The following CD80 variants were observed in gnomAD, a reference collection of about 807,000 sequenced individuals.
The protein encoded by CD80 is CD80 molecule.
In CD80, 13 loss-of-function variants were observed where a neutral mutation model predicts 27.1. That is an observed-to-expected ratio of 0.48 (90% CI 0.31 to 0.76). The LOEUF is 0.76. Ranked by LOEUF, CD80 falls within the 30% of genes least tolerant of loss-of-function variation. The pLI is 0.04. For missense variants in CD80, 277 were observed against 347.9 expected (o/e 0.80, Z 1.62); for synonymous variants, 125 against 125.5 (o/e 1.00, Z 0.03).
chr3:119,544,916 T>A lies in CD80; in HGVS notation c.101-49A>T, dbSNP rs755938741. On this transcript the variant is annotated intron_variant, in intron 2 of 6. Transcript: ENST00000264246. ...GATTGTATATTTATTAAATACAGAT[T>A]CCTGCATGGTCAGGAATCCAAAGTC... 1.9e-5 allele frequency: 28 copies of A among 1,478,998 alleles called. No homozygotes were observed. In the African/African-American group the frequency reaches 3.2e-4, roughly 17 times the overall value. The allele number at this position is 1,478,998 out of a possible 1,614,324, so 91.6% of individuals were successfully genotyped here.
At chr3:119,534,504 G>A (rs951468350) in intron 4 of CD80, among the ~76,000 whole-genome samples, 1 of 152,028 alleles carries the variant, frequency 6.6e-6, no homozygotes, top group Non-Finnish European at 1.5e-5. Context: ...AACAGAGACT[G>A]TGACTGCAAA....
rs571646506 is a variant in CD80 at position 119,525,294 on chromosome 3, T to C, written c.*494A>G. ...TTTTGTAAACAGCAGCATAAAATCT[T>C]CTACTCTGACATTAGGAAATCAGAT... is the stretch of plus-strand genomic sequence containing the variant. On this transcript the variant is annotated 3_prime_UTR_variant, in exon 7 of 7. Transcript: ENST00000264246. The C allele has an allele frequency of 9.3e-5, 13 of 139,536 alleles. No homozygotes were observed. The highest frequency in any genetic ancestry group is 1.5e-4 in the Non-Finnish European group (10 of 67,948). The allele number at this position is 139,536 out of a possible 1,614,324, so 8.6% of individuals were successfully genotyped here.
chr3:119,546,864 A>G (rs17203207), intron 2 of CD80, among the ~76,000 whole-genome samples: 15,023 of 152,100 alleles, frequency 0.099, 975 homozygotes, highest in Non-Finnish European at 0.14. Context: ...ACACGCATTC[A>G]TTTAAACTAC....
At chr3:119,553,784 T>C (rs562286804) in intron 2 of CD80, among the ~76,000 whole-genome samples, 1 of 152,356 alleles carries the variant, frequency 6.6e-6, no homozygotes, top group South Asian at 2.1e-4. Flanking sequence ...TCCCTGACTA[T>C]GAAATAAACA....
chr3:119,549,658 C>G (rs1019330255), intron 2 of CD80, among the ~76,000 whole-genome samples: 1 of 152,198 alleles, frequency 6.6e-6, no homozygotes, highest in Admixed American at 6.5e-5. Context: ...ACGGCCCCAC[C>G]ACAGCACTGA....
At chr3:119,531,479 CT>C (rs2082111057) in intron 4 of CD80, among the ~76,000 whole-genome samples, 1 of 152,150 alleles carries the variant, frequency 6.6e-6, no homozygotes, top group African/African-American at 2.4e-5. Context: ...CAGTAGATCT[CT>C]TCATTGTGAA....
intron 4 of CD80, among the ~76,000 whole-genome samples, chr3:119,535,430 C>T (rs2082132323): frequency 6.6e-6 from 1 of 152,070 alleles, no homozygotes; most frequent in African/African-American, 2.4e-5. Context: ...GGGAGTGGGG[C>T]TAGGGGTAGG....
At chr3:119,545,640 C>T (rs558054965) in intron 2 of CD80, among the ~76,000 whole-genome samples, 7 of 152,082 alleles carry the variant, frequency 4.6e-5, no homozygotes, top group Non-Finnish European at 8.8e-5. Context: ...TAGCATGATG[C>T]ACTCAAGGTT....
intron 5 of CD80, among the ~76,000 whole-genome samples, chr3:119,528,662 A>T (rs1270877773): frequency 6.6e-6 from 1 of 152,108 alleles, no homozygotes; most frequent in Non-Finnish European, 1.5e-5. Context: ...AATTCCAAAG[A>T]CAAGAAGTCC....
chr3:119,544,708 TA>T lies in CD80; in HGVS notation c.259del (p.Tyr87ThrfsTer16). The T allele has an allele frequency of 6.2e-7, 1 of 1,614,210 alleles. No individual in the cohort carries two copies. The highest frequency in any genetic ancestry group is 8.5e-7 in the Non-Finnish European group (1 of 1,180,036). ...GATATCAAAGATGGTCCGGTTCTTG[TA>T]CTCGGGCCATATATTCATGTCCCCA... ...MSGDMNIWPE[Y>X]KNRTIFDITN... On this transcript the variant is annotated frameshift_variant, in exon 3 of 7. Transcript: ENST00000264246. LOFTEE classifies it high-confidence loss of function.
intron 2 of CD80, among the ~76,000 whole-genome samples, chr3:119,557,219 C>A (rs2107749373): frequency 6.6e-6 from 1 of 152,232 alleles, no homozygotes; most frequent in Non-Finnish European, 1.5e-5. Flanking sequence ...CACCATTGTT[C>A]AATTTTAGAA....
At position 119,525,984 on chromosome 3, in the gene CD80, G is replaced by C. The variant is rs192637534; in HGVS notation, c.*39-235C>G. Among the ~76,000 whole-genome samples the C allele has an allele frequency of 5.3e-5, 8 of 151,716 alleles. No individual in the cohort carries two copies. The East Asian group carries it at 1.5e-3, about 29-fold the overall frequency. ...CAAGGGTATTCCCAGCTTGTACACA[G>C]TAACCTTGATAGCTGAAGAATATGA... On this transcript the variant is annotated intron_variant, in intron 6 of 6. Coordinates refer to ENST00000264246, the MANE Select transcript of CD80 (RefSeq NM_005191.4).
intron 3 of CD80, 67 bp from the exon 4 acceptor site, chr3:119,537,485 T>A (rs1001210630): frequency 3.6e-6 from 4 of 1,114,812 alleles, no homozygotes. Flanking sequence ...GGTTTATTTT[T>A]AAATAATTTT....
intron 2 of CD80, among the ~76,000 whole-genome samples, chr3:119,550,455 C>A (rs1204722555): frequency 3.3e-5 from 5 of 152,156 alleles, no homozygotes; most frequent in African/African-American, 1.2e-4. Context: ...ATCTTCCGAA[C>A]AATTTGGAAA....
intron 2 of CD80, among the ~76,000 whole-genome samples, chr3:119,547,821 T>C (rs1179698014): frequency 6.6e-6 from 1 of 152,136 alleles, no homozygotes; most frequent in Non-Finnish European, 1.5e-5. Context: ...CAAATTGCCT[T>C]ATTTTTCCAC....
At chr3:119,535,124 G>A (rs959131526) in intron 4 of CD80, among the ~76,000 whole-genome samples, 5 of 151,564 alleles carry the variant, frequency 3.3e-5, no homozygotes, top group African/African-American at 7.3e-5. Context: ...CCTGGGAGGC[G>A]GAGGTTACAG....
At chr3:119,558,954 T>C (rs2082278570) in intron 1 of CD80, among the ~76,000 whole-genome samples, 1 of 152,124 alleles carries the variant, frequency 6.6e-6, no homozygotes. Context: ...GAGACCACCC[T>C]AGAGCTAGAG....
intron 1 of CD80, among the ~76,000 whole-genome samples, chr3:119,558,358 C>A (rs1279755861): frequency 1.3e-5 from 2 of 152,154 alleles, no homozygotes; most frequent in African/African-American, 4.8e-5. Context: ...ATTCTTTAAA[C>A]CCTCTACTCA....
At chr3:119,556,361 C>A (rs1156390658) in intron 2 of CD80, among the ~76,000 whole-genome samples, 1 of 151,198 alleles carries the variant, frequency 6.6e-6, no homozygotes, top group Non-Finnish European at 1.5e-5. Flanking sequence ...TGTCTCTCCC[C>A]CTCCCTGCCC....
Sources: allele counts gnomAD v4.1 joint callset (sites outside exome capture counted in the v4.1 genomes callset), GRCh38; gene constraint gnomAD v4.1.1; transcripts MANE v1.5; gene names NCBI Gene and HGNC (gene_info 2026-07-23, HGNC 2026-07-21).